DEGS2: variants seen among roughly 807,000 people sequenced by gnomAD.
The protein encoded by DEGS2 is delta 4-desaturase, sphingolipid 2.
A neutral mutation model predicts 23.8 loss-of-function variants in DEGS2; 19 were observed. The observed-to-expected ratio is 0.80, with a 90% CI of 0.56 to 1.17. The LOEUF (loss-of-function observed/expected upper bound fraction) is 1.17. Among genes scored for constraint, DEGS2 ranks in the 50% most tolerant of loss-of-function variants. The pLI is 0.00. For synonymous variants in DEGS2, 218 were observed against 213.7 expected (o/e 1.02, Z -0.18); for missense variants, 390 against 459.5 (o/e 0.85, Z 1.38).
the DEGS2 span, among the ~76,000 whole-genome samples, chr14:100,164,799 C>T: frequency 6.6e-5 from 10 of 152,294 alleles, no homozygotes; most frequent in African/African-American, 1.7e-4. Context: ...ATGAAAGCTG[C>T]GCATGCCAGG....
chr14:100,157,263 G>A (rs888725699), intron 1 of DEGS2, among the ~76,000 whole-genome samples: 2 of 152,388 alleles, frequency 1.3e-5, no homozygotes, highest in African/African-American at 2.4e-5. Flanking sequence ...TGGCCCTGAG[G>A]TAGGCCCAGC....
chr14:100,149,984 C>G (rs1001387650), intron 1 of DEGS2, among the ~76,000 whole-genome samples: 5 of 152,248 alleles, frequency 3.3e-5, no homozygotes, highest in Non-Finnish European at 7.3e-5. Flanking sequence ...CGAGCCAGGC[C>G]TCATCCCAGC....
At chr14:100,154,304 G>A (rs1360859346) in intron 1 of DEGS2, among the ~76,000 whole-genome samples, 2 of 150,940 alleles carry the variant, frequency 1.3e-5, no homozygotes, top group African/African-American at 4.9e-5. Flanking sequence ...GGCAGAGGTT[G>A]CAGTGAGCCA....
chr14:100,160,661 C>T (rs1304214068), upstream of DEGS2, among the ~76,000 whole-genome samples: 3 of 152,204 alleles, frequency 2.0e-5, no homozygotes, highest in South Asian at 4.1e-4. Context: ...CATCAGCCAG[C>T]GCTGCCACAG....
At chr14:100,156,776 A>C (rs1041205940) in intron 1 of DEGS2, among the ~76,000 whole-genome samples, 3 of 152,232 alleles carry the variant, frequency 2.0e-5, no homozygotes, top group Admixed American at 2.0e-4. Context: ...CTGAGCGAGC[A>C]AGGCTAAGCA....
chr14:100,146,634 C>A lies in DEGS2; in HGVS notation c.*127G>T, dbSNP rs1180651480. 5 of 1,380,278 alleles carry A rather than the reference C, an allele frequency of 3.6e-6. No individual in the cohort carries two copies. Among genetic ancestry groups the A allele is most frequent in the Admixed American group, 2.2e-5 (1 of 46,078 alleles). The allele number at this position is 1,380,278 out of a possible 1,614,324, so 85.5% of individuals were successfully genotyped here. Reference sequence around the variant, plus strand: ...ACTGCTGTTGCCAGGTGTGGCTGCGCGGGACACTCCTCGGGGACAAGGGCA... The same window carrying A: ...ACTGCTGTTGCCAGGTGTGGCTGCGAGGGACACTCCTCGGGGACAAGGGCA... On this transcript the variant is annotated 3_prime_UTR_variant, in exon 3 of 3. Coordinates refer to ENST00000305631, the MANE Select transcript of DEGS2 (RefSeq NM_206918.3).
intron 1 of DEGS2, among the ~76,000 whole-genome samples, chr14:100,152,879 C>CAAAT (rs1566742180): frequency 8.0e-6 from 1 of 125,348 alleles, no homozygotes; most frequent in African/African-American, 2.9e-5. Flanking sequence ...ATCCCCTCTT[C>CAAAT]GAATGGATGG....
chr14:100,146,032 G>A lies in DEGS2; in HGVS notation c.*729C>T, dbSNP rs1422562361. 1 of 152,816 alleles carries A rather than the reference G, an allele frequency of 6.5e-6. No homozygotes were observed. The highest frequency in any genetic ancestry group is 1.5e-5 in the Non-Finnish European group (1 of 68,374). 9.5% of individuals were successfully genotyped at this position (152,816 alleles called of 1,614,324 possible). On this transcript the variant is annotated 3_prime_UTR_variant, in exon 3 of 3. Coordinates refer to ENST00000305631, the MANE Select transcript of DEGS2 (RefSeq NM_206918.3). ...CGGGAGGGCATACAGAGAGCAGGAG[G>A]TGAGCAGGCCCAAGGGGTGGGGGCA...
upstream of DEGS2, among the ~76,000 whole-genome samples, chr14:100,164,262 T>C (rs1390560425): frequency 1.3e-5 from 2 of 152,092 alleles, no homozygotes; most frequent in African/African-American, 4.8e-5. Context: ...GGGCCTCCTC[T>C]AGAATGCCCT....
At chr14:100,156,001 C>T (rs1219943929) in intron 1 of DEGS2, among the ~76,000 whole-genome samples, 2 of 152,380 alleles carry the variant, frequency 1.3e-5, no homozygotes, top group Non-Finnish European at 2.9e-5. Context: ...GGAGACCCCA[C>T]TTTCTTAGGA....
Position 100,149,276 on chromosome 14 carries a change from G to C in DEGS2, c.517C>G (p.Arg173Gly). The C allele has an allele frequency of 1.9e-6, 3 of 1,612,846 alleles. No homozygotes were observed. The highest frequency in any genetic ancestry group is 2.5e-6 in the Non-Finnish European group (3 of 1,179,894). Reference sequence around the variant, plus strand: ...GCCTTGGGGTGGACGCAGAGCGGCCGTAGTGAGTAGAAGAAGGGCTGCAGC... The same window carrying C: ...GCCTTGGGGTGGACGCAGAGCGGCCCTAGTGAGTAGAAGAAGGGCTGCAGC... ...LVLQPFFYSLRPLCVHPKAVT... is the reference protein window; with the variant it reads ...LVLQPFFYSLGPLCVHPKAVT... The change falls in exon 2 of 3, where the codon CGG (arginine) becomes GGG (glycine). Residue 173 changes from arginine (R) to glycine (G), a missense_variant. Coordinates refer to ENST00000305631, the MANE Select transcript of DEGS2 (RefSeq NM_206918.3).
chr14:100,156,269 C>A (rs1397982919), intron 1 of DEGS2, among the ~76,000 whole-genome samples: 1 of 152,252 alleles, frequency 6.6e-6, no homozygotes, highest in African/African-American at 2.4e-5. Context: ...CCTCTCTCAG[C>A]CTCACTCCTG....
chr14:100,163,244 C>T (rs1361270844), upstream of DEGS2, among the ~76,000 whole-genome samples: 2 of 152,058 alleles, frequency 1.3e-5, no homozygotes, highest in East Asian at 1.9e-4. Flanking sequence ...GACTTGAAAC[C>T]AGCCTGGCCA....
intron 1 of DEGS2, among the ~76,000 whole-genome samples, chr14:100,152,188 G>T (rs901835703): frequency 6.6e-6 from 1 of 152,188 alleles, no homozygotes; most frequent in African/African-American, 2.4e-5. Flanking sequence ...GGTAGCGAGG[G>T]TGGGTCTGCC....
chr14:100,150,387 A>C (rs866189225), intron 1 of DEGS2, among the ~76,000 whole-genome samples: 8,222 of 91,584 alleles, frequency 0.09, no homozygotes, highest in Admixed American at 0.096. Context: ...CCACCCCAAC[A>C]CCCCCCCCCG....
intron 1 of DEGS2, among the ~76,000 whole-genome samples, chr14:100,156,562 T>C (rs746873555): frequency 1.2e-4 from 18 of 152,234 alleles, no homozygotes; most frequent in Non-Finnish European, 2.2e-4. Context: ...TTCATCTGTT[T>C]ACAGACTCAC....
chr14:100,148,323 C>A (rs1889492326), intron 2 of DEGS2, among the ~76,000 whole-genome samples: 1 of 152,242 alleles, frequency 6.6e-6, no homozygotes, highest in African/African-American at 2.4e-5. Context: ...AACACCTCCC[C>A]AGTGCCACCT....
chr14:100,149,749 G>A (rs1379589478), intron 1 of DEGS2, 39 bp from the exon 2 acceptor site: 1 of 1,552,608 alleles, frequency 6.4e-7, no homozygotes, highest in East Asian at 2.3e-5. Flanking sequence ...CCCGCTCGGT[G>A]GGGCTGCACC....
At chr14:100,163,952 C>T (rs976929879), upstream of DEGS2, among the ~76,000 whole-genome samples, 2 of 152,126 alleles carry the variant, frequency 1.3e-5, no homozygotes, top group South Asian at 4.1e-4. Context: ...GGCTCATGCC[C>T]GCCCATAATC....
Sources: allele counts gnomAD v4.1 joint callset (sites outside exome capture counted in the v4.1 genomes callset), GRCh38; gene constraint gnomAD v4.1.1; transcripts MANE v1.5; gene names NCBI Gene and HGNC (gene_info 2026-07-23, HGNC 2026-07-21).